LRRC9: variants seen among roughly 807,000 people sequenced by gnomAD.
LRRC9 encodes leucine-rich repeat-containing protein 9.
LRRC9 carries 122 observed loss-of-function variants against 63.2 expected under a neutral mutation model. The ratio of observed to expected loss-of-function variants is 1.93; its 90% CI spans 1.67 to 2.24. The LOEUF (loss-of-function observed/expected upper bound fraction) is 2.24, where lower values mean the gene tolerates loss of function less well. Among genes scored for constraint, LRRC9 ranks in the 30% most tolerant of loss-of-function variants. LRRC9 has a pLI of 0.00. For missense variants in LRRC9, 1,071 were observed against 627.7 expected (o/e 1.71, Z -7.55); for synonymous variants, 366 against 213.1 (o/e 1.72, Z -6.25).
At chr14:59,929,108 A>G (rs1889464026) in intron 3 of LRRC9, among the ~76,000 whole-genome samples, 1 of 152,188 alleles carries the variant, frequency 6.6e-6, no homozygotes, top group African/African-American at 2.4e-5. Context: ...TGCAGAGCAA[A>G]AGAAACTATC....
intron 7 of LRRC9, among the ~76,000 whole-genome samples, chr14:59,944,387 C>A (rs552577923): frequency 6.6e-6 from 1 of 151,792 alleles, no homozygotes; most frequent in Admixed American, 6.6e-5. Context: ...CAAAGGAAAT[C>A]TTTGGAATTT....
intron 29 of LRRC9, among the ~76,000 whole-genome samples, chr14:60,041,993 G>T (rs567888077): frequency 2.2e-4 from 34 of 152,338 alleles, no homozygotes; most frequent in African/African-American, 7.2e-4. Flanking sequence ...CTGCAGGTCT[G>T]TTGGAGTTTG....
At position 59,938,022 on chromosome 14, in the gene LRRC9, T is replaced by G. The variant is rs936903185; in HGVS notation, c.544-368T>G. On this transcript the variant is annotated intron_variant, in intron 6 of 31. Coordinates refer to ENST00000445360, the Ensembl canonical transcript of LRRC9. This position sits in a 1 kb window ranked among gnomAD's most constrained non-coding sequence, Gnocchi z 4.2. ...GTTTCTAGGTGATAAGTACAGGAAA[T>G]AGGGGTGAAGAAATCAGAGACCTAC... 6.6e-6 allele frequency among the ~76,000 whole-genome samples: 1 copy of G among 151,692 alleles called. No homozygotes were observed. The highest frequency in any genetic ancestry group is 2.4e-5 in the African/African-American group (1 of 41,262).
At chr14:60,035,291 C>T (rs1352581886) in intron 29 of LRRC9, among the ~76,000 whole-genome samples, 1 of 152,094 alleles carries the variant, frequency 6.6e-6, no homozygotes, top group Non-Finnish European at 1.5e-5. Flanking sequence ...TTCTCCCATT[C>T]TGTGGGTTGT....
chr14:60,011,148 T>C (rs759043193), intron 23 of LRRC9, among the ~76,000 whole-genome samples: 52 of 152,222 alleles, frequency 3.4e-4, no homozygotes, highest in Non-Finnish European at 4.3e-4. Flanking sequence ...AGAAGTTTAA[T>C]GGACTCACAG....
intron 7 of LRRC9, among the ~76,000 whole-genome samples, chr14:59,941,317 T>G (rs1035506097): frequency 6.6e-5 from 10 of 151,878 alleles, no homozygotes; most frequent in Admixed American, 1.3e-4. Context: ...TTTCATTGTA[T>G]AAATCAAATT....
chr14:59,935,412 C>T (rs556209775), intron 6 of LRRC9, among the ~76,000 whole-genome samples: 36 of 152,058 alleles, frequency 2.4e-4, no homozygotes, highest in African/African-American at 4.8e-4. Flanking sequence ...GGCATTTATA[C>T]GACATTGGTA....
At chr14:60,061,334 C>T (rs1014521734) in intron 31 of LRRC9, among the ~76,000 whole-genome samples, 1 of 152,186 alleles carries the variant, frequency 6.6e-6, no homozygotes, top group Non-Finnish European at 1.5e-5. Flanking sequence ...CTTCAGCAGC[C>T]ACCATCCTGA....
intron 29 of LRRC9, among the ~76,000 whole-genome samples, chr14:60,044,417 G>A (rs1893234813): frequency 6.6e-6 from 1 of 151,970 alleles, no homozygotes; most frequent in Non-Finnish European, 1.5e-5. Context: ...CAACTTTTTT[G>A]ACATAGGCAT....
At chr14:59,978,501 C>T (rs531825893) in intron 15 of LRRC9, among the ~76,000 whole-genome samples, 3 of 152,250 alleles carry the variant, frequency 2.0e-5, no homozygotes, top group East Asian at 1.9e-4. Context: ...CCTTTTTCTA[C>T]ACATTTACAT....
chr14:59,920,377 A>C (rs1888670338), intron 1 of LRRC9, 104 bp downstream of exon 1: 1 of 152,240 alleles, frequency 6.6e-6, no homozygotes, highest in Non-Finnish European at 1.5e-5. Flanking sequence ...CCAGTGAAGC[A>C]AAGTTGAGGT....
intron 18 of LRRC9, 83 bp from the exon 19 acceptor site, chr14:59,999,018 T>C: frequency 1.9e-6 from 1 of 535,846 alleles, no homozygotes. Flanking sequence ...TTTTGAATTA[T>C]ATGGAAAGAC....
At chr14:60,010,110 C>T (rs951864089) in intron 23 of LRRC9, among the ~76,000 whole-genome samples, 1 of 152,216 alleles carries the variant, frequency 6.6e-6, no homozygotes, top group Non-Finnish European at 1.5e-5. Flanking sequence ...TGGTCCCCCC[C>T]TCACAGCTCC....
chr14:60,028,334 C>A (rs908300339), intron 28 of LRRC9, among the ~76,000 whole-genome samples: 2 of 152,054 alleles, frequency 1.3e-5, no homozygotes, highest in Non-Finnish European at 2.9e-5. Context: ...AAGATTAGTT[C>A]TACGTGTTCT....
intron 17 of LRRC9, among the ~76,000 whole-genome samples, chr14:59,993,591 A>G (rs1422692373): frequency 6.6e-6 from 1 of 152,216 alleles, no homozygotes; most frequent in African/African-American, 2.4e-5. Flanking sequence ...AGACACACAT[A>G]GGCTCAAAAT....
intron 27 of LRRC9, among the ~76,000 whole-genome samples, chr14:60,024,218 C>G (rs1891339717): frequency 6.6e-6 from 1 of 152,048 alleles, no homozygotes; most frequent in Non-Finnish European, 1.5e-5. Flanking sequence ...GAGGAATTGC[C>G]ACACTGTCTT....
At chr14:59,965,027 A>G (rs1594887840) in intron 10 of LRRC9, among the ~76,000 whole-genome samples, 1 of 152,194 alleles carries the variant, frequency 6.6e-6, no homozygotes. Flanking sequence ...CTTAGCTCAC[A>G]CCCATTTCAG....
At chr14:59,933,687 C>A (rs895553173) in intron 6 of LRRC9, among the ~76,000 whole-genome samples, 1 of 152,094 alleles carries the variant, frequency 6.6e-6, no homozygotes, top group Non-Finnish European at 1.5e-5. Context: ...TTGTATTAGT[C>A]AAATTCAAGA....
At chr14:59,957,152 C>G (rs1243430624) in intron 8 of LRRC9, among the ~76,000 whole-genome samples, 1 of 152,098 alleles carries the variant, frequency 6.6e-6, no homozygotes. Context: ...CTCTGTATTT[C>G]CTGAATGTGA....
Sources: allele counts gnomAD v4.1 joint callset (sites outside exome capture counted in the v4.1 genomes callset), GRCh38; gene constraint gnomAD v4.1.1; non-coding constraint Gnocchi (gnomAD v3.1); transcripts MANE v1.5; gene names NCBI Gene and HGNC (gene_info 2026-07-23, HGNC 2026-07-21).